The following DEFB116 variants were observed in gnomAD, a reference collection of about 807,000 sequenced individuals.
DEFB116 encodes the protein beta-defensin 116.
In DEFB116, 5 loss-of-function variants were observed where a neutral mutation model predicts 2.8. The ratio of observed to expected loss-of-function variants is 1.80; its 90% CI spans 0.94 to 3.79. The LOEUF is 3.79. DEFB116 is among the 30% of genes most tolerant of loss of function. The pLI, the probability that DEFB116 is intolerant of heterozygous loss-of-function variation, is 0.00. For missense variants in DEFB116, 170 were observed against 118.0 expected, an observed-to-expected ratio of 1.44 and a Z score of -2.04; for synonymous variants, 56 against 40.8, an observed-to-expected ratio of 1.37 and a Z score of -1.42.
intron 1 of DEFB116, among the ~76,000 whole-genome samples, chr20:31,303,909 C>T (rs936071015): frequency 6.6e-6 from 1 of 152,108 alleles, no homozygotes; most frequent in African/African-American, 2.4e-5. Flanking sequence ...CCAGGATCTA[C>T]TCTCAGATAG....
intron 1 of DEFB116, among the ~76,000 whole-genome samples, chr20:31,304,118 G>A (rs768648829): frequency 9.9e-5 from 15 of 151,970 alleles, no homozygotes; most frequent in Non-Finnish European, 2.1e-4. Context: ...CACATAAATT[G>A]AGCACATGTG....
intron 1 of DEFB116, among the ~76,000 whole-genome samples, chr20:31,308,109 C>T (rs183999000): frequency 4.9e-4 from 75 of 152,110 alleles, no homozygotes; most frequent in Non-Finnish European, 9.0e-4. Context: ...CATCCCCACT[C>T]ACTTTTTGGA....
chr20:31,305,182 TA>T (rs1360516720), intron 1 of DEFB116, among the ~76,000 whole-genome samples: 2 of 152,048 alleles, frequency 1.3e-5, no homozygotes, highest in Non-Finnish European at 2.9e-5. Flanking sequence ...TCTTCACCCT[TA>T]TCATGGGACC....
chr20:31,303,494 G>A (rs1429036993), intron 1 of DEFB116, 41 bp from the exon 2 acceptor site: 4 of 1,605,236 alleles, frequency 2.5e-6, no homozygotes, highest in Non-Finnish European at 2.6e-6. Flanking sequence ...ATGCAGCAGT[G>A]ATAATAGGGT....
chr20:31,308,452 G>T (rs1181218083), intron 1 of DEFB116, 67 bp downstream of exon 1: 1 of 1,532,648 alleles, frequency 6.5e-7, no homozygotes. Context: ...AGGAGTCACT[G>T]CAGAGGTCAC....
chr20:31,305,111 G>A (rs911564422), intron 1 of DEFB116, among the ~76,000 whole-genome samples: 3 of 152,054 alleles, frequency 2.0e-5, no homozygotes, highest in Non-Finnish European at 2.9e-5. Flanking sequence ...AAAGGAGGTT[G>A]AAAATGATAC....
intron 1 of DEFB116, among the ~76,000 whole-genome samples, chr20:31,307,904 C>T (rs1050938417): frequency 1.3e-5 from 2 of 151,912 alleles, no homozygotes; most frequent in Non-Finnish European, 2.9e-5. Flanking sequence ...ACAAACATAA[C>T]ACTATCCAAG....
intron 1 of DEFB116, among the ~76,000 whole-genome samples, chr20:31,303,680 G>A (rs145804392): frequency 6.6e-6 from 1 of 152,106 alleles, no homozygotes; most frequent in Admixed American, 6.6e-5. Context: ...CAAAATAATA[G>A]AGCCAAGTTC....
chr20:31,303,349 A>G lies in DEFB116; in HGVS notation c.172T>C (p.Tyr58His), dbSNP rs1425194432. The G allele has an allele frequency of 3.7e-6, 6 of 1,613,624 alleles. No homozygotes were observed. The highest frequency in any genetic ancestry group is 2.2e-5 in the East Asian group (1 of 44,868). ...RNACREYEIQ[Y>H]LTCPNDQKCC... The stretch of plus-strand genomic sequence containing the variant: ...TTTTGATCATTTGGGCAGGTTAAGT[A>G]TTGGATTTCATATTCTCTGCAGGCG... The change falls in exon 2 of 2, where the codon TAC becomes CAC. Residue 58 changes from tyrosine (Y) to histidine (H), a missense_variant. Coordinates refer to ENST00000400549, the MANE Select transcript of DEFB116 (RefSeq NM_001037731.1).
chr20:31,303,342 G>C lies in DEFB116; in HGVS notation c.179C>G (p.Thr60Ser). ...GCAGCACTTTTGATCATTTGGGCAGGTTAAGTATTGGATTTCATATTCTCT... is the reference window on the plus strand; with the variant it reads ...GCAGCACTTTTGATCATTTGGGCAGCTTAAGTATTGGATTTCATATTCTCT... ...ACREYEIQYLTCPNDQKCCLK... is the reference protein window; with the variant it reads ...ACREYEIQYLSCPNDQKCCLK... Residue 60 changes from threonine (T) to serine (S), a missense_variant, in exon 2 of 2, where the codon ACC (threonine) becomes AGC (serine). By Grantham distance (58) the Thr-to-Ser change is moderately conservative. Transcript: ENST00000400549. The C allele has an allele frequency of 6.2e-7, 1 of 1,613,606 alleles. No individual in the cohort carries two copies. Among genetic ancestry groups the C allele is most frequent in the Non-Finnish European group, 8.5e-7 (1 of 1,179,612 alleles).
chr20:31,304,002 T>C (rs1259009751), intron 1 of DEFB116, among the ~76,000 whole-genome samples: 1 of 152,084 alleles, frequency 6.6e-6, no homozygotes, highest in Non-Finnish European at 1.5e-5. Flanking sequence ...CTGTCTCTCT[T>C]TGTACATTGG....
At chr20:31,305,054 G>A (rs183272387) in intron 1 of DEFB116, among the ~76,000 whole-genome samples, 166 of 152,130 alleles carry the variant, frequency 1.1e-3, no homozygotes, top group African/African-American at 3.7e-3. Context: ...AATCCAGAGA[G>A]GGATTTCAAC....
intron 1 of DEFB116, among the ~76,000 whole-genome samples, chr20:31,305,467 T>G (rs1295328143): frequency 6.6e-6 from 1 of 152,132 alleles, no homozygotes; most frequent in Admixed American, 6.5e-5. Context: ...CTGCCTACAG[T>G]GATTTAAATA....
At chr20:31,307,894 A>G (rs1433873682) in intron 1 of DEFB116, among the ~76,000 whole-genome samples, 2 of 151,912 alleles carry the variant, frequency 1.3e-5, no homozygotes, top group East Asian at 3.9e-4. Flanking sequence ...TGCAAAACAT[A>G]CAAACATAAC....
At chr20:31,304,373 A>T (rs1357998839) in intron 1 of DEFB116, among the ~76,000 whole-genome samples, 1 of 152,086 alleles carries the variant, frequency 6.6e-6, no homozygotes, top group Non-Finnish European at 1.5e-5. Flanking sequence ...AATCACTACC[A>T]TGTACTGTGG....
At chr20:31,308,018 G>GA (rs1430093505) in intron 1 of DEFB116, among the ~76,000 whole-genome samples, 3 of 151,928 alleles carry the variant, frequency 2.0e-5, no homozygotes, top group African/African-American at 4.8e-5. Flanking sequence ...CTCCATTCAA[G>GA]AAAAAATACC....
chr20:31,307,138 AC>A (rs1194839780), intron 1 of DEFB116, among the ~76,000 whole-genome samples: 6 of 152,094 alleles, frequency 3.9e-5, no homozygotes, highest in African/African-American at 1.4e-4. Flanking sequence ...TATGCCATAA[AC>A]CTATCCACGC....
chr20:31,304,012 G>C (rs1402825517), intron 1 of DEFB116, among the ~76,000 whole-genome samples: 1 of 152,056 alleles, frequency 6.6e-6, no homozygotes, highest in Non-Finnish European at 1.5e-5. Flanking sequence ...TTGTACATTG[G>C]CCTTACAGAA....
At chr20:31,307,965 C>G (rs1985031997) in intron 1 of DEFB116, among the ~76,000 whole-genome samples, 1 of 152,018 alleles carries the variant, frequency 6.6e-6, no homozygotes, top group African/African-American at 2.4e-5. Context: ...CAGCTACAAA[C>G]CTCTCTATAC....
Sources: allele counts gnomAD v4.1 joint callset (sites outside exome capture counted in the v4.1 genomes callset), GRCh38; gene constraint gnomAD v4.1.1; transcripts MANE v1.5; gene names NCBI Gene and HGNC (gene_info 2026-07-23, HGNC 2026-07-21).